The following ARGLU1 variants were observed in gnomAD, a reference collection of about 807,000 sequenced individuals.
ARGLU1 encodes the protein arginine and glutamate-rich protein 1.
ARGLU1 carries 9 observed loss-of-function variants against 37.6 expected under a neutral mutation model. The observed-to-expected ratio is 0.24, with a 90% confidence interval of 0.14 to 0.42. The LOEUF (loss-of-function observed/expected upper bound fraction) is 0.42. Ranked by LOEUF, ARGLU1 falls within the 10% of genes least tolerant of loss-of-function variation. The probability of loss-of-function intolerance (pLI) is 1.00; values close to 1 mark genes in which losing one functional copy is unlikely to be tolerated. For missense variants in ARGLU1, 211 were observed against 359.2 expected, an observed-to-expected ratio of 0.59 and a Z score of 3.34; for synonymous variants, 166 against 138.5, an observed-to-expected ratio of 1.20 and a Z score of -1.39.
chr13:106,558,330 G>A lies in ARGLU1; in HGVS notation c.573+1102C>T, dbSNP rs1412449348. 7.1e-6 allele frequency: 7 copies of A among 984,946 alleles called. No individual in the cohort carries two copies. The African/African-American group carries it at 1.0e-4, about 15-fold the overall frequency. 61.0% of individuals were successfully genotyped at this position (984,946 alleles called of 1,614,324 possible). A position where few individuals can be genotyped will look rare whatever the true frequency, so the allele number is the denominator to read the frequency against. On this transcript the variant is annotated intron_variant, in intron 2 of 3. Transcript: ENST00000400198. ...AGCATGTATATCTAGTTAAAGACAGGACAAGGGAAAATGCATTTTAAAAGC... is the reference window on the plus strand; with the variant it reads ...AGCATGTATATCTAGTTAAAGACAGAACAAGGGAAAATGCATTTTAAAAGC...
At chr13:106,550,259 C>T (rs1161984749) in intron 3 of ARGLU1, among the ~76,000 whole-genome samples, 1 of 152,136 alleles carries the variant, frequency 6.6e-6, no homozygotes, top group Non-Finnish European at 1.5e-5. Flanking sequence ...TGATTCAAGG[C>T]CCCATCTTTT....
rs968603900 is a variant in ARGLU1 at position 106,557,198 on chromosome 13, T to C, written c.574-67A>G. The C allele has an allele frequency of 7.3e-7, 1 of 1,376,042 alleles. No individual in the cohort carries two copies. Among genetic ancestry groups the C allele is most frequent in the African/African-American group, 1.5e-5 (1 of 68,700 alleles). 85.2% of individuals were successfully genotyped at this position (1,376,042 alleles called of 1,614,324 possible). A position where few individuals can be genotyped will look rare whatever the true frequency, so the allele number is the denominator to read the frequency against. On this transcript the variant is annotated intron_variant, in intron 2 of 3. Coordinates refer to ENST00000400198, the MANE Select transcript of ARGLU1 (RefSeq NM_018011.4). The surrounding 1 kb of genome is among the most constrained non-coding windows in gnomAD (Gnocchi z 5.0). ...TTTATTTTTATTGATAAATATTTAC[T>C]AATCTTCCTCTGAACTTTTTTGATA...
At chr13:106,551,264 C>G (rs1018010490) in intron 3 of ARGLU1, among the ~76,000 whole-genome samples, 16 of 152,162 alleles carry the variant, frequency 1.1e-4, no homozygotes, top group African/African-American at 3.9e-4. Flanking sequence ...TGCCACTTTA[C>G]TATAAACAGG....
In ARGLU1 at chr13:106,548,686, A is replaced by C. The variant is rs139579284; in HGVS notation, c.658-4526T>G. 1.2e-4 allele frequency among the ~76,000 whole-genome samples: 19 copies of C among 152,270 alleles called. No individual in the cohort carries two copies. In the East Asian group the frequency reaches 3.1e-3, roughly 25 times the overall value. ...ACTGGTGGTAAGAAGTACACACACAAAAAAATGTTCCATTATAGTTAAAAG... is the reference window on the plus strand; with the variant it reads ...ACTGGTGGTAAGAAGTACACACACACAAAAATGTTCCATTATAGTTAAAAG... On this transcript the variant is annotated intron_variant, in intron 3 of 3. Coordinates refer to ENST00000400198, the MANE Select transcript of ARGLU1 (RefSeq NM_018011.4).
At chr13:106,558,265 A>G in intron 2 of ARGLU1, 2 of 983,516 alleles carry the variant, frequency 2.0e-6, no homozygotes, top group Non-Finnish European at 2.4e-6. Flanking sequence ...AAAATTTCAT[A>G]CATTCAATTT....
intron 3 of ARGLU1, among the ~76,000 whole-genome samples, chr13:106,551,927 A>G (rs998964191): frequency 3.3e-5 from 5 of 152,234 alleles, no homozygotes; most frequent in Admixed American, 2.6e-4. Context: ...AATCCAGAAT[A>G]AACTCCCCAT....
At chr13:106,548,210 G>A (rs756127012) in intron 3 of ARGLU1, among the ~76,000 whole-genome samples, 3 of 152,062 alleles carry the variant, frequency 2.0e-5, no homozygotes, top group Non-Finnish European at 4.4e-5. Context: ...ACTAACAACC[G>A]TCATCTCTCA....
chr13:106,558,770 G>T lies in ARGLU1; in HGVS notation c.573+662C>A, dbSNP rs567264433. On this transcript the variant is annotated intron_variant, in intron 2 of 3. Coordinates refer to ENST00000400198, the MANE Select transcript of ARGLU1 (RefSeq NM_018011.4). ...TTCATAACTCTCTAGAGAAAAAAAG[G>T]AGTTGTTAGTAGATACTAAAAAAAG... 2.6e-5 allele frequency: 26 copies of T among 985,280 alleles called. No homozygotes were observed. In the Admixed American group the frequency reaches 1.3e-3, roughly 49 times the overall value. 61.0% of individuals were successfully genotyped at this position (985,280 alleles called of 1,614,324 possible).
chr13:106,567,004 A>C lies in ARGLU1; in HGVS notation c.347+569T>G, dbSNP rs950263972. ...TCAAGGGGAAAAAAGCAATCCCAAC[A>C]CCTTAACAACAGGAATACACTAAAG... On this transcript the variant is annotated intron_variant, in intron 1 of 3. Transcript: ENST00000400198. The surrounding 1 kb of genome is among the most constrained non-coding windows in gnomAD (Gnocchi z 4.3). Among the ~76,000 whole-genome samples, 1 of 151,946 alleles carries C rather than the reference A, an allele frequency of 6.6e-6. No homozygotes were observed. Among genetic ancestry groups the C allele is most frequent in the African/African-American group, 2.4e-5 (1 of 41,344 alleles).
intron 3 of ARGLU1, among the ~76,000 whole-genome samples, chr13:106,549,648 G>T (rs1472810304): frequency 1.3e-5 from 2 of 152,206 alleles, no homozygotes; most frequent in Admixed American, 1.3e-4. Context: ...ATCATTACAG[G>T]ATATCATTAG....
At chr13:106,545,911 A>C (rs894433641) in intron 3 of ARGLU1, among the ~76,000 whole-genome samples, 2 of 152,208 alleles carry the variant, frequency 1.3e-5, no homozygotes, top group Admixed American at 1.3e-4. Context: ...CTACATTTAG[A>C]CCTGGCTACT....
rs1203734603 is a variant in ARGLU1 at position 106,568,127 on chromosome 13, A to G, written c.-208T>C. Reference sequence around the variant, plus strand: ...ACCCGTAGCGCCAGGCGCCCCTAAGATGGCAGCTGCGGCTGCACCGGCCGC... The same window carrying G: ...ACCCGTAGCGCCAGGCGCCCCTAAGGTGGCAGCTGCGGCTGCACCGGCCGC... On this transcript the variant is annotated 5_prime_UTR_variant, in exon 1 of 4. Coordinates refer to ENST00000400198, the MANE Select transcript of ARGLU1 (RefSeq NM_018011.4). 1 of 721,050 alleles carries G rather than the reference A, an allele frequency of 1.4e-6. No individual in the cohort carries two copies. Among genetic ancestry groups the G allele is most frequent in the Non-Finnish European group, 2.1e-6 (1 of 476,848 alleles). 44.7% of individuals were successfully genotyped at this position (721,050 alleles called of 1,614,324 possible).
intron 1 of ARGLU1, 81 bp from the exon 2 acceptor site, chr13:106,559,738 C>A (rs1594193439): frequency 7.0e-7 from 1 of 1,427,986 alleles, no homozygotes. Context: ...TTAAGTCTAT[C>A]AAGCCATTGA....
chr13:106,549,447 TA>T (rs949412527), intron 3 of ARGLU1, among the ~76,000 whole-genome samples: 20 of 151,972 alleles, frequency 1.3e-4, no homozygotes, highest in East Asian at 7.7e-4. Flanking sequence ...AACCAATGAA[TA>T]AAAAAATGAA....
At chr13:106,562,990 C>CAAAAA (rs745494550) in intron 1 of ARGLU1, among the ~76,000 whole-genome samples, 4 of 67,408 alleles carry the variant, frequency 5.9e-5, no homozygotes, top group South Asian at 8.1e-4. Context: ...GACCCTGTCT[C>CAAAAA]AAAAAAAAAA....
intron 3 of ARGLU1, among the ~76,000 whole-genome samples, chr13:106,552,769 CAACACT>C (rs1388489611): frequency 6.6e-6 from 1 of 152,032 alleles, no homozygotes; most frequent in African/African-American, 2.4e-5. Flanking sequence ...TATGTGTCGC[CAACACT>C]AACTCAAGAA....
At chr13:106,550,534 T>C (rs1880507953) in intron 3 of ARGLU1, among the ~76,000 whole-genome samples, 1 of 152,344 alleles carries the variant, frequency 6.6e-6, no homozygotes, top group Admixed American at 6.5e-5. Flanking sequence ...TTCCTAAGTA[T>C]TGTACCATTT....
intron 3 of ARGLU1, among the ~76,000 whole-genome samples, chr13:106,551,314 T>C (rs1880525362): frequency 6.6e-6 from 1 of 152,182 alleles, no homozygotes; most frequent in Non-Finnish European, 1.5e-5. Context: ...CTTAGAATTC[T>C]CAGCTAAATA....
intron 1 of ARGLU1, among the ~76,000 whole-genome samples, chr13:106,560,906 TTCAAC>T (rs1375452202): frequency 1.3e-5 from 2 of 152,288 alleles, no homozygotes; most frequent in Middle Eastern, 3.4e-3. Context: ...CCCAATCCAC[TTCAAC>T]TCAACTCTAT....
Sources: allele counts gnomAD v4.1 joint callset (sites outside exome capture counted in the v4.1 genomes callset), GRCh38; gene constraint gnomAD v4.1.1; non-coding constraint Gnocchi (gnomAD v3.1); transcripts MANE v1.5; gene names NCBI Gene and HGNC (gene_info 2026-07-23, HGNC 2026-07-21).